COG5: variants seen among roughly 807,000 people sequenced by gnomAD.
COG5 encodes conserved oligomeric Golgi complex subunit 5.
Under a neutral mutation model 110.4 loss-of-function variants are expected in COG5, and 86 were observed. The observed-to-expected ratio is 0.78, with a 90% CI of 0.65 to 0.93. The LOEUF (loss-of-function observed/expected upper bound fraction) is 0.93, where lower values mean the gene tolerates loss of function less well. Ranked by LOEUF, COG5 falls within the 40% of genes least tolerant of loss-of-function variation. The probability of loss-of-function intolerance (pLI) is 0.00; values close to 1 mark genes in which losing one functional copy is unlikely to be tolerated. For synonymous variants in COG5, 360 were observed against 334.6 expected (o/e 1.08, Z -0.83); for missense variants, 1,077 against 987.0 (o/e 1.09, Z -1.22).
At chr7:107,406,491 T>A (rs1240447951) in intron 7 of COG5, among the ~76,000 whole-genome samples, 1 of 152,184 alleles carries the variant, frequency 6.6e-6, no homozygotes, top group Non-Finnish European at 1.5e-5. Flanking sequence ...GTCTCTTAAT[T>A]TTTAATATGA....
At chr7:107,204,575 A>G (rs182182108) in intron 21 of COG5, among the ~76,000 whole-genome samples, 1 of 152,316 alleles carries the variant, frequency 6.6e-6, no homozygotes, top group Admixed American at 6.5e-5. Context: ...AGTTAATACC[A>G]TTACTCAGCT....
chr7:107,211,708 A>C (rs1799189828), intron 19 of COG5, among the ~76,000 whole-genome samples: 1 of 152,246 alleles, frequency 6.6e-6, no homozygotes, highest in South Asian at 2.1e-4. Context: ...TTGTATATAC[A>C]AAGTTATTAC....
chr7:107,511,903 A>G (rs917173569), intron 6 of COG5, among the ~76,000 whole-genome samples: 3 of 152,222 alleles, frequency 2.0e-5, no homozygotes, highest in African/African-American at 7.2e-5. Context: ...TCTCAAAATA[A>G]TAAGAGCTAT....
chr7:107,222,031 A>C (rs1799967577), intron 19 of COG5, among the ~76,000 whole-genome samples: 2 of 152,180 alleles, frequency 1.3e-5, no homozygotes, highest in South Asian at 4.1e-4. Context: ...GGGGAAGGAC[A>C]AGGACGGAGA....
chr7:107,388,333 G>A (rs1039423238), intron 7 of COG5, among the ~76,000 whole-genome samples: 1 of 152,132 alleles, frequency 6.6e-6, no homozygotes, highest in Non-Finnish European at 1.5e-5. Context: ...AATCAACCCG[G>A]TATGTCATTA....
chr7:107,207,613 T>C (rs1348499792), intron 21 of COG5, among the ~76,000 whole-genome samples: 2 of 152,220 alleles, frequency 1.3e-5, no homozygotes, highest in Admixed American at 6.5e-5. Context: ...TCTATCTTTA[T>C]TGAAAACACA....
intron 6 of COG5, among the ~76,000 whole-genome samples, chr7:107,415,245 T>C (rs564874881): frequency 3.9e-5 from 6 of 152,272 alleles, no homozygotes; most frequent in South Asian, 2.1e-4. Flanking sequence ...TAAATCTTCA[T>C]GCACCATGAT....
At chr7:107,461,202 T>C (rs1290992660) in intron 6 of COG5, among the ~76,000 whole-genome samples, 5 of 152,066 alleles carry the variant, frequency 3.3e-5, no homozygotes. Context: ...TTAAAAATAA[T>C]TGTTGATACA....
At chr7:107,393,798 C>T (rs1304213257) in intron 7 of COG5, among the ~76,000 whole-genome samples, 2 of 152,150 alleles carry the variant, frequency 1.3e-5, no homozygotes, top group African/African-American at 4.8e-5. Context: ...GCGCTATCTT[C>T]TAGCCAATGT....
intron 17 of COG5, among the ~76,000 whole-genome samples, chr7:107,244,697 A>C (rs568139668): frequency 6.6e-6 from 1 of 152,164 alleles, no homozygotes; most frequent in African/African-American, 2.4e-5. Flanking sequence ...TAGAAAACCT[A>C]GAAGAGATGG....
intron 10 of COG5, among the ~76,000 whole-genome samples, chr7:107,325,409 G>C (rs1410941241): frequency 6.6e-6 from 1 of 152,166 alleles, no homozygotes; most frequent in Non-Finnish European, 1.5e-5. Flanking sequence ...CCAGCACTTT[G>C]GGAGGCCAAG....
At chr7:107,365,524 T>C (rs1041574950) in intron 8 of COG5, among the ~76,000 whole-genome samples, 1 of 132,886 alleles carries the variant, frequency 7.5e-6, no homozygotes, top group African/African-American at 2.9e-5. Context: ...ACAAGCTATC[T>C]AAGGATTCTT....
rs574599294 is a variant in COG5, at chr7:107,541,556, G to T, written c.417+6555C>A. On this transcript the variant is annotated intron_variant, in intron 5 of 21. Transcript: ENST00000297135. ...TATATATATATATGTATTTATGCGT[G>T]TGTGTATTTATATAAATGAAATTGA... is the stretch of plus-strand genomic sequence containing the variant. 4.5e-5 allele frequency among the ~76,000 whole-genome samples: 6 copies of T among 133,942 alleles called. No individual in the cohort carries two copies. In the East Asian group the frequency reaches 1.3e-3, roughly 30 times the overall value. The allele number at this position is 133,942 out of a possible 152,430, so 87.9% of individuals were successfully genotyped here.
intron 19 of COG5, among the ~76,000 whole-genome samples, chr7:107,224,053 A>C (rs1800144934): frequency 6.6e-6 from 1 of 152,244 alleles, no homozygotes; most frequent in Non-Finnish European, 1.5e-5. Flanking sequence ...ACTAAGTCCA[A>C]GATGGTGGTT....
chr7:107,272,888 T>A (rs1804394402), intron 14 of COG5, among the ~76,000 whole-genome samples: 1 of 152,224 alleles, frequency 6.6e-6, no homozygotes. Context: ...GTGTGCTACA[T>A]GTCTGATACA....
chr7:107,520,442 GAA>G lies in COG5; in HGVS notation c.538+6793_538+6794del, dbSNP rs530684141. On this transcript the variant is annotated intron_variant, in intron 6 of 21. Transcript: ENST00000297135. ...CCTTAAATTGATAAGCAACTTCAGT[GAA>G]GTCTCAGGATACAAAATCAATGTGC... Among the ~76,000 whole-genome samples, 45 of 152,218 alleles carry G rather than the reference GAA, an allele frequency of 3.0e-4. No individual in the cohort carries two copies. In the South Asian group the frequency reaches 9.1e-3, roughly 31 times the overall value.
chr7:107,210,108 C>T, intron 21 of COG5: 1 of 1,041,074 alleles, frequency 9.6e-7, no homozygotes. Context: ...TTCTTGTTTC[C>T]TCCTCAGAAC....
intron 5 of COG5, among the ~76,000 whole-genome samples, chr7:107,528,093 T>A (rs1800901638): frequency 6.6e-6 from 1 of 151,748 alleles, no homozygotes; most frequent in Admixed American, 6.6e-5. Flanking sequence ...ATTTTCCTAA[T>A]CTTTTTTTTT....
intron 5 of COG5, among the ~76,000 whole-genome samples, chr7:107,528,769 A>G (rs192349602): frequency 6.6e-6 from 1 of 152,248 alleles, no homozygotes; most frequent in Admixed American, 6.5e-5. Flanking sequence ...TGGCAATAAG[A>G]ATTAAAAGCT....
Sources: allele counts gnomAD v4.1 joint callset (sites outside exome capture counted in the v4.1 genomes callset), GRCh38; gene constraint gnomAD v4.1.1; transcripts MANE v1.5; gene names NCBI Gene and HGNC (gene_info 2026-07-23, HGNC 2026-07-21).